The following SPON1 variants were observed in gnomAD, a reference collection of about 807,000 sequenced individuals.
The protein encoded by SPON1 is spondin 1, also known as spondin-1.
Under a neutral mutation model 111.7 loss-of-function variants are expected in SPON1, and 52 were observed. That is an observed-to-expected ratio of 0.47 (90% CI 0.37 to 0.59). The LOEUF is 0.59. SPON1 is among the 20% of genes least tolerant of loss of function. The probability of loss-of-function intolerance (pLI) is 0.00; values close to 1 mark genes in which losing one functional copy is unlikely to be tolerated. For synonymous variants in SPON1, 410 were observed against 395.8 expected, an observed-to-expected ratio of 1.04 and a Z score of -0.43; for missense variants, 957 against 1,068.5, an observed-to-expected ratio of 0.90 and a Z score of 1.46.
At chr11:14,016,669 A>G (rs1179339085) in intron 2 of SPON1, among the ~76,000 whole-genome samples, 1 of 152,210 alleles carries the variant, frequency 6.6e-6, no homozygotes, top group Non-Finnish European at 1.5e-5. Context: ...AGGATAGCTC[A>G]TATCTGGTTT....
At chr11:14,050,782 G>T (rs961934544) in intron 3 of SPON1, among the ~76,000 whole-genome samples, 1 of 152,158 alleles carries the variant, frequency 6.6e-6, no homozygotes, top group Admixed American at 6.5e-5. Context: ...TCAGAACAGT[G>T]TGCCCAGGGT....
At chr11:14,182,434 G>A (rs1848244174) in intron 6 of SPON1, among the ~76,000 whole-genome samples, 1 of 152,140 alleles carries the variant, frequency 6.6e-6, no homozygotes, top group Non-Finnish European at 1.5e-5. Flanking sequence ...TCTGTGGGCT[G>A]TTATATAAAA....
intron 2 of SPON1, among the ~76,000 whole-genome samples, chr11:14,004,370 G>A (rs1554912847): frequency 6.6e-6 from 1 of 152,204 alleles, no homozygotes. Context: ...TCGGATTGCT[G>A]TATCATATGA....
chr11:14,052,845 C>T (rs1848717946), intron 3 of SPON1, among the ~76,000 whole-genome samples: 1 of 152,166 alleles, frequency 6.6e-6, no homozygotes, highest in Admixed American at 6.5e-5. Context: ...GTACAGGCTG[C>T]CGAGGAACAG....
At chr11:14,056,182 A>G (rs1277561410) in intron 3 of SPON1, among the ~76,000 whole-genome samples, 1 of 152,196 alleles carries the variant, frequency 6.6e-6, no homozygotes, top group African/African-American at 2.4e-5. Context: ...TATTAATAGT[A>G]TGTACCTACC....
In SPON1 at chr11:14,088,654, T is replaced by C. The variant is rs1849026257; in HGVS notation, c.676+8633T>C. Among the ~76,000 whole-genome samples the C allele has an allele frequency of 2.0e-5, 3 of 152,166 alleles. No individual in the cohort carries two copies. The South Asian group carries it at 6.2e-4, about 32-fold the overall frequency. ...GAGTATCATTGTGGTGTTCTCTGTA[T>C]TTCCTGAATTTGAATGTTGGCCTGT... On this transcript the variant is annotated intron_variant, in intron 5 of 15. Transcript: ENST00000576479.
chr11:14,096,053 G>A (rs1849098497), intron 5 of SPON1, among the ~76,000 whole-genome samples: 1 of 152,178 alleles, frequency 6.6e-6, no homozygotes, highest in Admixed American at 6.5e-5. Context: ...AATGGAATTT[G>A]GCACCCAACA....
intron 2 of SPON1, among the ~76,000 whole-genome samples, chr11:14,028,548 C>A (rs782248012): frequency 2.0e-5 from 3 of 152,100 alleles, no homozygotes; most frequent in Non-Finnish European, 4.4e-5. Flanking sequence ...CTGAGATTCA[C>A]TGGCATTTAC....
At chr11:13,977,825 A>G (rs973776065) in intron 1 of SPON1, among the ~76,000 whole-genome samples, 1 of 152,126 alleles carries the variant, frequency 6.6e-6, no homozygotes, top group African/African-American at 2.4e-5. Flanking sequence ...TAGCTGTACA[A>G]TCTATGTGGA....
At chr11:14,111,863 G>T (rs1196059323) in intron 5 of SPON1, among the ~76,000 whole-genome samples, 8 of 151,998 alleles carry the variant, frequency 5.3e-5, no homozygotes, top group Admixed American at 5.2e-4. Flanking sequence ...CTTTTGAAAT[G>T]CTTATTTTGA....
intron 5 of SPON1, 124 bp downstream of exon 5, chr11:14,080,145 C>A: frequency 9.1e-7 from 1 of 1,099,232 alleles, no homozygotes; most frequent in Non-Finnish European, 1.3e-6. Flanking sequence ...TCATGAAATG[C>A]ACAATCCAAG....
intron 6 of SPON1, among the ~76,000 whole-genome samples, chr11:14,198,636 C>T (rs1848427603): frequency 6.6e-6 from 1 of 152,230 alleles, no homozygotes; most frequent in Admixed American, 6.5e-5. Flanking sequence ...GGCCTCACTA[C>T]ATGACAATCC....
chr11:14,170,190 C>T (rs1316724984), intron 6 of SPON1, among the ~76,000 whole-genome samples: 8 of 152,124 alleles, frequency 5.3e-5, no homozygotes, highest in African/African-American at 1.9e-4. Context: ...GTTTGTAGTT[C>T]TCCTTGAAGA....
chr11:14,050,012 G>GCATCACT (rs56362608), intron 3 of SPON1, among the ~76,000 whole-genome samples: 60,683 of 151,516 alleles, frequency 0.4, 13,075 homozygotes, highest in South Asian at 0.57. Context: ...AGTAATGGAA[G>GCATCACT]CATCACTCAG....
At chr11:14,186,151 C>A (rs2133889466) in intron 6 of SPON1, among the ~76,000 whole-genome samples, 1 of 152,298 alleles carries the variant, frequency 6.6e-6, no homozygotes, top group Non-Finnish European at 1.5e-5. Context: ...AAAAGCAAGC[C>A]AGACACATGT....
At chr11:14,006,565 T>C (rs1564884293) in intron 2 of SPON1, among the ~76,000 whole-genome samples, 1 of 152,144 alleles carries the variant, frequency 6.6e-6, no homozygotes, top group African/African-American at 2.4e-5. Flanking sequence ...ACTCTGAGGC[T>C]TTTTGCTTGG....
intron 7 of SPON1, among the ~76,000 whole-genome samples, chr11:14,246,342 A>G (rs564596425): frequency 1.3e-5 from 2 of 152,294 alleles, no homozygotes; most frequent in African/African-American, 4.8e-5. Flanking sequence ...ACCATGAGGT[A>G]GGTATTGCAA....
intron 2 of SPON1, among the ~76,000 whole-genome samples, chr11:14,014,307 G>T (rs1848428484): frequency 6.6e-6 from 1 of 152,206 alleles, no homozygotes; most frequent in Non-Finnish European, 1.5e-5. Flanking sequence ...CAAGGAGGGT[G>T]ACCACAGCAT....
rs1006737663 is a variant in SPON1, at chr11:14,098,218, G to A, written c.676+18197G>A. Among the ~76,000 whole-genome samples the A allele has an allele frequency of 1.8e-4, 28 of 152,144 alleles. 1 individual carries two copies. The highest frequency in any genetic ancestry group is 9.8e-4 in the Admixed American group (15 of 15,276). On this transcript the variant is annotated intron_variant, in intron 5 of 15. Coordinates refer to ENST00000576479, the MANE Select transcript of SPON1 (RefSeq NM_006108.4). ...TCACCGTGTTAGCCAGGATGGTCTC[G>A]ATCTCCTAACCTTGTGATCCGCCTG...
Sources: allele counts gnomAD v4.1 joint callset (sites outside exome capture counted in the v4.1 genomes callset), GRCh38; gene constraint gnomAD v4.1.1; transcripts MANE v1.5; gene names NCBI Gene and HGNC (gene_info 2026-07-23, HGNC 2026-07-21).